Variants in PTPRT observed in about 807,000 individuals in gnomAD.
The protein encoded by PTPRT is receptor-type tyrosine-protein phosphatase T.
In PTPRT, 56 loss-of-function variants were observed where a neutral mutation model predicts 176.8. That is an observed-to-expected ratio of 0.32 (90% CI 0.26 to 0.40). PTPRT has a LOEUF of 0.40. PTPRT is among the 10% of genes least tolerant of loss of function. The pLI is 1.00. For synonymous variants in PTPRT, 783 were observed against 739.0 expected, an observed-to-expected ratio of 1.06 and a Z score of -0.96; for missense variants, 1,540 against 1,908.2, an observed-to-expected ratio of 0.81 and a Z score of 3.60.
At chr20:42,436,338 T>C (rs1179644975) in intron 9 of PTPRT, among the ~76,000 whole-genome samples, 4 of 152,148 alleles carry the variant, frequency 2.6e-5, no homozygotes, top group African/African-American at 9.7e-5. Context: ...TTATCAAAAG[T>C]ATATTATAAA....
rs2013513838 is a variant in PTPRT at position 43,128,140 on chromosome 20, C to T, written c.88+61506G>A. Among the ~76,000 whole-genome samples, 3 of 152,176 alleles carry T rather than the reference C, an allele frequency of 2.0e-5. No individual in the cohort carries two copies. In the South Asian group the frequency reaches 6.2e-4, roughly 32 times the overall value. ...TACAGGAAGAAGACAAAGATACCCA[C>T]TGTAAGAGTGGTGAGAAGCAGAGCA... On this transcript the variant is annotated intron_variant, in intron 1 of 30. Transcript: ENST00000373187.
Position 43,093,500 on chromosome 20 carries a change from A to C in PTPRT, c.88+96146T>G, listed in dbSNP as rs568050437. 1.4e-4 allele frequency among the ~76,000 whole-genome samples: 21 copies of C among 152,346 alleles called. No individual in the cohort carries two copies. In the South Asian group the frequency reaches 2.3e-3, roughly 17 times the overall value. On this transcript the variant is annotated intron_variant, in intron 1 of 30. Transcript: ENST00000373187. Reference sequence around the variant, plus strand: ...AAAATCCAGTGTCTAGAACTTACCAACATGAAGCCTTGTGAATGCACAGGT... The same window carrying C: ...AAAATCCAGTGTCTAGAACTTACCACCATGAAGCCTTGTGAATGCACAGGT...
rs2058357980 is a variant in PTPRT, at chr20:42,356,352, G to C, written c.1561-4067C>G. On this transcript the variant is annotated intron_variant, in intron 9 of 30. Transcript: ENST00000373187. ...TCAAGGATGTCCCCCTTCTCTTTTA[G>C]TTGCTGACAGTAGGATCCACAGCCA... Among the ~76,000 whole-genome samples, 2 of 152,100 alleles carry C rather than the reference G, an allele frequency of 1.3e-5. 1 individual carries two copies. The highest frequency in any genetic ancestry group is 2.9e-5 in the Non-Finnish European group (2 of 68,020).
At chr20:42,961,529 T>C (rs1037009058) in intron 1 of PTPRT, among the ~76,000 whole-genome samples, 2 of 152,106 alleles carry the variant, frequency 1.3e-5, no homozygotes, top group Non-Finnish European at 2.9e-5. Context: ...GTTAACACAA[T>C]GTTATTCCAC....
chr20:42,578,108 A>ACTCTCTTG (rs1342358199), intron 7 of PTPRT, among the ~76,000 whole-genome samples: 3 of 151,966 alleles, frequency 2.0e-5, no homozygotes, highest in African/African-American at 7.3e-5. Flanking sequence ...GATTGTGTCA[A>ACTCTCTTG]CTCTCTTGTT....
intron 27 of PTPRT, among the ~76,000 whole-genome samples, chr20:42,093,718 T>C (rs1043046546): frequency 1.3e-5 from 2 of 152,226 alleles, no homozygotes; most frequent in African/African-American, 2.4e-5. Context: ...GACCTGTCCA[T>C]GTTGCCAGGC....
intron 7 of PTPRT, among the ~76,000 whole-genome samples, chr20:42,480,108 C>G (rs893619349): frequency 6.6e-6 from 1 of 152,228 alleles, no homozygotes; most frequent in Non-Finnish European, 1.5e-5. Flanking sequence ...AAACTACTCA[C>G]TGAGCATGGA....
intron 1 of PTPRT, among the ~76,000 whole-genome samples, chr20:42,918,748 G>A (rs570188236): frequency 6.6e-6 from 1 of 152,290 alleles, no homozygotes; most frequent in South Asian, 2.1e-4. Context: ...TATGAGGCAT[G>A]CTGCAATCAG....
rs758251428 is a variant in PTPRT, at chr20:42,807,014, G to A, written c.215-15548C>T. 7.2e-5 allele frequency among the ~76,000 whole-genome samples: 11 copies of A among 152,112 alleles called. No individual in the cohort carries two copies. The South Asian group carries it at 8.3e-4, about 11-fold the overall frequency. Reference sequence around the variant, plus strand: ...AACGACACCTTCCAAGATGCAATGCGCTGCCACAATGTCTCTGATAATTTT... The same window carrying A: ...AACGACACCTTCCAAGATGCAATGCACTGCCACAATGTCTCTGATAATTTT... On this transcript the variant is annotated intron_variant, in intron 2 of 30. Transcript: ENST00000373187.
chr20:42,134,067 A>G (rs1477082374), intron 18 of PTPRT, among the ~76,000 whole-genome samples: 1 of 152,196 alleles, frequency 6.6e-6, no homozygotes, highest in African/African-American at 2.4e-5. Context: ...GGTCCACCAC[A>G]AAGGCACTGC....
chr20:42,855,929 T>C (rs1338827164), intron 2 of PTPRT, among the ~76,000 whole-genome samples: 2 of 152,154 alleles, frequency 1.3e-5, no homozygotes, highest in African/African-American at 4.8e-5. Context: ...CTGGGAATTA[T>C]CAGGCAGAAA....
intron 6 of PTPRT, among the ~76,000 whole-genome samples, chr20:42,704,667 C>T (rs553389865): frequency 3.3e-5 from 5 of 152,250 alleles, no homozygotes; most frequent in South Asian, 4.2e-4. Context: ...GTAGACAAAA[C>T]AAACCCTCAT....
chr20:42,503,979 T>C (rs1363480798), intron 7 of PTPRT, among the ~76,000 whole-genome samples: 1 of 152,134 alleles, frequency 6.6e-6, no homozygotes, highest in Non-Finnish European at 1.5e-5. Context: ...AAACAATAGC[T>C]CCCTTGCTCC....
chr20:43,090,982 G>A (rs956721344), intron 1 of PTPRT, among the ~76,000 whole-genome samples: 2 of 152,200 alleles, frequency 1.3e-5, no homozygotes, highest in Admixed American at 6.5e-5. Context: ...TGTAATCCCA[G>A]AACTTTGGGA....
rs953056364 is a variant in PTPRT at position 42,751,541 on chromosome 20, T to C, written c.859+4921A>G. The stretch of plus-strand genomic sequence containing the variant: ...TGTTTCTAGGTGTTGCCAGAAGAGA[T>C]TCATATTTGAGTCAGCGGACTGGGA... On this transcript the variant is annotated intron_variant, in intron 6 of 30. Transcript: ENST00000373187. Among the ~76,000 whole-genome samples the C allele has an allele frequency of 2.6e-5, 4 of 152,072 alleles. No homozygotes were observed. The South Asian group carries it at 6.2e-4, about 24-fold the overall frequency.
intron 1 of PTPRT, among the ~76,000 whole-genome samples, chr20:43,077,806 A>G (rs2011318587): frequency 6.6e-6 from 1 of 152,200 alleles, no homozygotes; most frequent in Admixed American, 6.5e-5. Flanking sequence ...GTGGTGTGGA[A>G]CAATCTATGA....
chr20:43,139,134 A>G (rs1436325966), intron 1 of PTPRT, among the ~76,000 whole-genome samples: 1 of 152,246 alleles, frequency 6.6e-6, no homozygotes, highest in African/African-American at 2.4e-5. Flanking sequence ...GGTACAGGCA[A>G]GAAGTGTTGC....
At chr20:43,115,667 C>A (rs982050216) in intron 1 of PTPRT, among the ~76,000 whole-genome samples, 10 of 152,122 alleles carry the variant, frequency 6.6e-5, no homozygotes, top group African/African-American at 2.4e-4. Flanking sequence ...CAAAAAACTG[C>A]CAACCAAAAT....
intron 9 of PTPRT, among the ~76,000 whole-genome samples, chr20:42,407,366 A>G (rs2058971544): frequency 4.6e-5 from 7 of 152,168 alleles, no homozygotes; most frequent in Admixed American, 4.6e-4. Context: ...CAATGCATTC[A>G]CTTTTCACTG....
Sources: allele counts gnomAD v4.1 joint callset (sites outside exome capture counted in the v4.1 genomes callset), GRCh38; gene constraint gnomAD v4.1.1; transcripts MANE v1.5; gene names NCBI Gene and HGNC (gene_info 2026-07-23, HGNC 2026-07-21).